The following ERI1 variants were observed in gnomAD, a reference collection of about 807,000 sequenced individuals.
The protein encoded by ERI1 is exoribonuclease 1.
ERI1 carries 39 observed loss-of-function variants against 39.7 expected under a neutral mutation model. The observed-to-expected ratio is 0.98, with a 90% CI of 0.76 to 1.28. The LOEUF is 1.28. ERI1 is among the 50% of genes most tolerant of loss of function. ERI1 has a pLI of 0.00. For synonymous variants in ERI1, 204 were observed against 149.6 expected, an observed-to-expected ratio of 1.36 and a Z score of -2.65; for missense variants, 581 against 416.9, an observed-to-expected ratio of 1.39 and a Z score of -3.43.
chr8:9,089,931 T>A (rs1799652044), intron 3 of ERI1, among the ~76,000 whole-genome samples: 2 of 151,836 alleles, frequency 1.3e-5, no homozygotes, highest in Non-Finnish European at 2.9e-5. Context: ...TCCCTGAAAT[T>A]ATCCAAGAGA....
chr8:9,058,479 G>A (rs777417496), intron 3 of ERI1, among the ~76,000 whole-genome samples: 3 of 152,204 alleles, frequency 2.0e-5, no homozygotes, highest in Non-Finnish European at 4.4e-5. Context: ...CCATGTTAAT[G>A]AGGTGATGAA....
chr8:9,089,645 C>T (rs767202650), intron 3 of ERI1, among the ~76,000 whole-genome samples: 19 of 151,718 alleles, frequency 1.3e-4, no homozygotes, highest in African/African-American at 4.6e-4. Flanking sequence ...CCATCAAAGT[C>T]CTGCCCGGAG....
At chr8:9,051,482 G>C (rs1258017660) in intron 3 of ERI1, among the ~76,000 whole-genome samples, 7 of 151,942 alleles carry the variant, frequency 4.6e-5, no homozygotes, top group African/African-American at 1.2e-4. Context: ...CATGGTGAAA[G>C]CACATCTCTA....
intron 6 of ERI1, among the ~76,000 whole-genome samples, chr8:9,026,129 T>A (rs1395864092): frequency 6.6e-6 from 1 of 152,222 alleles, no homozygotes; most frequent in Non-Finnish European, 1.5e-5. Context: ...AACCATCACA[T>A]GAGGTGTGTA....
intron 3 of ERI1, among the ~76,000 whole-genome samples, chr8:9,082,037 CA>C (rs1799388421): frequency 6.6e-6 from 1 of 152,140 alleles, no homozygotes; most frequent in Admixed American, 6.5e-5. Context: ...TGTGTCCCCC[CA>C]CCCCATTAGA....
intron 3 of ERI1, among the ~76,000 whole-genome samples, chr8:9,062,296 G>GA (rs1313743328): frequency 1.3e-5 from 2 of 151,952 alleles, no homozygotes; most frequent in Non-Finnish European, 2.9e-5. Flanking sequence ...AAGGTGCGGG[G>GA]ATACGAGAGG....
chr8:9,004,577 A>T (rs533046783), intron 1 of ERI1, among the ~76,000 whole-genome samples: 13 of 139,238 alleles, frequency 9.3e-5, no homozygotes, highest in African/African-American at 2.5e-4. Context: ...AGTGGGGAGG[A>T]TCACCTGAGC....
At chr8:9,019,714 T>C (rs1817682255) in intron 5 of ERI1, among the ~76,000 whole-genome samples, 2 of 152,186 alleles carry the variant, frequency 1.3e-5, no homozygotes, top group Admixed American at 6.5e-5. Context: ...TAGTTGACAG[T>C]ATTATAAGAA....
At chr8:9,005,064 T>A (rs73522594) in intron 1 of ERI1, among the ~76,000 whole-genome samples, 1 of 152,202 alleles carries the variant, frequency 6.6e-6, no homozygotes, top group Non-Finnish European at 1.5e-5. Context: ...TCTCTAATGC[T>A]AGTTGTCTTT....
rs558334432 is a variant in ERI1 at position 9,003,061 on chromosome 8, G to C, written c.-3G>C. On this transcript the variant is annotated 5_prime_UTR_variant, in exon 1 of 7. Coordinates refer to ENST00000250263, the MANE Select transcript of ERI1 (RefSeq NM_153332.4). ...GCAACTCTCCTCTGGCGTGACAGCC[G>C]GCATGGAGGATCCACAGAGTAAAGA... 15 of 1,246,624 alleles carry C rather than the reference G, an allele frequency of 1.2e-5. No homozygotes were observed. The East Asian group carries it at 4.7e-4, about 39-fold the overall frequency. The allele number at this position is 1,246,624 out of a possible 1,614,324, so 77.2% of individuals were successfully genotyped here. A position where few individuals can be genotyped will look rare whatever the true frequency, so the allele number is the denominator to read the frequency against.
rs562100384 is a variant in ERI1, at chr8:9,008,292, T to G, written c.287+144T>G. 118 of 722,704 alleles carry G rather than the reference T, an allele frequency of 1.6e-4. 1 individual carries two copies. The African/African-American group carries it at 2.0e-3, about 12-fold the overall frequency. 44.8% of individuals were successfully genotyped at this position (722,704 alleles called of 1,614,324 possible). ...ACAGTTCACAAAAACTAATTAACAT[T>G]TTTTATGTGCAACTCTGATTATTTT... On this transcript the variant is annotated intron_variant, in intron 2 of 6. Transcript: ENST00000250263.
intron 3 of ERI1, among the ~76,000 whole-genome samples, chr8:9,045,595 G>C (rs540113847): frequency 1.3e-5 from 2 of 152,054 alleles, no homozygotes; most frequent in South Asian, 2.1e-4. Context: ...CCAGGAATTT[G>C]AGATCAGCCT....
chr8:9,082,634 G>A (rs531311413), intron 3 of ERI1, among the ~76,000 whole-genome samples: 2 of 152,254 alleles, frequency 1.3e-5, no homozygotes, highest in African/African-American at 4.8e-5. Context: ...ACCTACATCT[G>A]GGCTCCTCAT....
downstream of ERI1, among the ~76,000 whole-genome samples, chr8:9,034,206 G>T (rs1009492794): frequency 2.6e-5 from 4 of 152,246 alleles, no homozygotes; most frequent in African/African-American, 9.6e-5. Context: ...CTTTAAACCA[G>T]ATCTGCTTTT....
chr8:9,012,098 G>C (rs990104067), intron 3 of ERI1, among the ~76,000 whole-genome samples: 5 of 152,154 alleles, frequency 3.3e-5, no homozygotes, highest in African/African-American at 1.2e-4. Context: ...TTAGTTCTCT[G>C]ATAGGGCCTC....
chr8:9,045,159 C>G (rs1230530378), intron 3 of ERI1, among the ~76,000 whole-genome samples: 1 of 147,916 alleles, frequency 6.8e-6, no homozygotes. Context: ...TGGCGTGAAC[C>G]AGGGAGGTGG....
intron 1 of ERI1, chr8:9,004,150 G>C: frequency 7.8e-7 from 1 of 1,289,130 alleles, no homozygotes; most frequent in Non-Finnish European, 1.0e-6. Flanking sequence ...CTTTTGCCCT[G>C]TGTGCACTTC....
chr8:9,095,038 TTTC>T (rs1017603417), intron 3 of ERI1, among the ~76,000 whole-genome samples: 8 of 152,156 alleles, frequency 5.3e-5, no homozygotes, highest in African/African-American at 1.9e-4. Context: ...ATCCTGCCGT[TTTC>T]CTACTGGCAG....
At chr8:9,081,157 T>G (rs1238888966) in intron 3 of ERI1, among the ~76,000 whole-genome samples, 1 of 152,158 alleles carries the variant, frequency 6.6e-6, no homozygotes, top group Non-Finnish European at 1.5e-5. Flanking sequence ...AGAACCCACT[T>G]ACTATCATGA....
Sources: allele counts gnomAD v4.1 joint callset (sites outside exome capture counted in the v4.1 genomes callset), GRCh38; gene constraint gnomAD v4.1.1; transcripts MANE v1.5; gene names NCBI Gene and HGNC (gene_info 2026-07-23, HGNC 2026-07-21).